Variants in C3orf70 observed in about 807,000 individuals in gnomAD.
C3orf70 encodes the protein chromosome 3 open reading frame 70, also known as UPF0524 protein C3orf70.
Under a neutral mutation model 20.7 loss-of-function variants are expected in C3orf70, and 15 were observed. The observed-to-expected ratio is 0.72, with a 90% confidence interval of 0.48 to 1.11. The LOEUF (loss-of-function observed/expected upper bound fraction) is 1.11. Ranked by LOEUF, C3orf70 falls within the 50% of genes most tolerant of loss-of-function variation. The pLI is 0.00. For synonymous variants in C3orf70, 161 were observed against 125.7 expected (o/e 1.28, Z -1.88); for missense variants, 332 against 317.6 (o/e 1.05, Z -0.34).
intron 1 of C3orf70, among the ~76,000 whole-genome samples, chr3:185,127,755 A>C (rs1716443324): frequency 6.6e-6 from 1 of 152,040 alleles, no homozygotes; most frequent in Non-Finnish European, 1.5e-5. Flanking sequence ...TTGTTTTTTT[A>C]ATGTCCGAGT....
rs1382009030 is a variant in C3orf70 at position 185,077,007 on chromosome 3, G to A, written c.*6000C>T. ...GCTGTCTGCAGGAATCACTTTAAAA[G>A]ATCAGTTAGCTTTAGGAAAGGCAGA... On this transcript the variant is annotated 3_prime_UTR_variant, in exon 2 of 2. Coordinates refer to ENST00000335012, the MANE Select transcript of C3orf70 (RefSeq NM_001025266.3). Among the ~76,000 whole-genome samples the A allele has an allele frequency of 6.6e-6, 1 of 152,232 alleles. No individual in the cohort carries two copies. The highest frequency in any genetic ancestry group is 2.4e-5 in the African/African-American group (1 of 41,462).
intron 1 of C3orf70, among the ~76,000 whole-genome samples, chr3:185,129,807 C>T (rs1379748750): frequency 6.6e-6 from 1 of 152,208 alleles, no homozygotes; most frequent in African/African-American, 2.4e-5. Context: ...AAAATTATAA[C>T]ATGCTTATTC....
chr3:185,085,387 GTTT>G (rs1715438644), intron 1 of C3orf70, among the ~76,000 whole-genome samples: 1 of 151,740 alleles, frequency 6.6e-6, no homozygotes, highest in Admixed American at 6.6e-5. Flanking sequence ...TATATTTTTT[GTTT>G]TTTGACTCCT....
chr3:185,079,290 A>AAAAAAAAAAAAAAAAAAAAAAAAAAT lies in C3orf70; in HGVS notation c.*3716_*3717insATTTTTTTTTTTTTTTTTTTTTTTTT. On this transcript the variant is annotated 3_prime_UTR_variant, in exon 2 of 2. Transcript: ENST00000335012. ...AGCGAGACTCTGTCTCAAAAAAAAA[A>AAAAAAAAAAAAAAAAAAAAAAAAAAT]AAAAAAAAAAAAAAGTAAAGCCACC... The AAAAAAAAAAAAAAAAAAAAAAAAAAT allele has an allele frequency of 6.6e-6, 1 of 150,582 alleles. No individual in the cohort carries two copies. Among genetic ancestry groups the AAAAAAAAAAAAAAAAAAAAAAAAAAT allele is most frequent in the Non-Finnish European group, 1.5e-5 (1 of 67,554 alleles). The allele number at this position is 150,582 out of a possible 1,614,324, so 9.3% of individuals were successfully genotyped here.
chr3:185,083,309 C>G lies in C3orf70; in HGVS notation c.451G>C (p.Ala151Pro). ...GGGCTCATTCTGTGGGAATGTGGTG[C>G]CGGCTGCTTCTGCACATAACACATC... Reference protein sequence around the residue: ...GKMCYVQKQPAPHSHRMSPEE... With the variant: ...GKMCYVQKQPPPHSHRMSPEE... Residue 151 changes from alanine to proline, a missense_variant, in exon 2 of 2, where the codon GCA becomes CCA. Physicochemically the swap from Ala to Pro is conservative, Grantham distance 27. Coordinates refer to ENST00000335012, the MANE Select transcript of C3orf70 (RefSeq NM_001025266.3). The G allele has an allele frequency of 6.2e-7, 1 of 1,614,152 alleles. No homozygotes were observed. Among genetic ancestry groups the G allele is most frequent in the Non-Finnish European group, 8.5e-7 (1 of 1,180,028 alleles).
intron 1 of C3orf70, among the ~76,000 whole-genome samples, chr3:185,093,629 T>G (rs1289954613): frequency 6.6e-6 from 1 of 152,154 alleles, no homozygotes; most frequent in African/African-American, 2.4e-5. Flanking sequence ...GCTGTGGGTA[T>G]AGATGATACA....
chr3:185,109,439 A>C (rs1008479954), intron 1 of C3orf70, among the ~76,000 whole-genome samples: 2 of 152,168 alleles, frequency 1.3e-5, no homozygotes, highest in African/African-American at 4.8e-5. Context: ...TTCTGGGAGG[A>C]TCCCAAGGAC....
Position 185,152,553 on chromosome 3 carries a change from C to A in C3orf70, c.196+75G>T. 3.6e-6 allele frequency: 5 copies of A among 1,382,340 alleles called. No homozygotes were observed. In the South Asian group the frequency reaches 6.9e-5, roughly 19 times the overall value. The allele number at this position is 1,382,340 out of a possible 1,614,324, so 85.6% of individuals were successfully genotyped here. The stretch of plus-strand genomic sequence containing the variant: ...CCGGAGCCCCGCGGCCGCAGAGTTC[C>A]GGCAGCGACCCCGGACGGCCCGGCG... On this transcript the variant is annotated intron_variant, in intron 1 of 1. Transcript: ENST00000335012.
At chr3:185,129,510 C>T (rs1716484641) in intron 1 of C3orf70, among the ~76,000 whole-genome samples, 1 of 152,186 alleles carries the variant, frequency 6.6e-6, no homozygotes, top group Admixed American at 6.5e-5. Context: ...TATGTCTTTG[C>T]TATCGTGAAT....
In C3orf70 at chr3:185,077,176, G is replaced by A. The variant is rs1239949237; in HGVS notation, c.*5831C>T. On this transcript the variant is annotated 3_prime_UTR_variant, in exon 2 of 2. Transcript: ENST00000335012. ...GAGGACAGAGAAGGGGACAAAGAGG[G>A]AAGCCTGTCAGTGTTTCTCCTCCAC... Among the ~76,000 whole-genome samples the A allele has an allele frequency of 2.6e-5, 4 of 152,120 alleles. No individual in the cohort carries two copies. The East Asian group carries it at 7.7e-4, about 29-fold the overall frequency.
intron 1 of C3orf70, among the ~76,000 whole-genome samples, chr3:185,087,809 TTATG>T (rs1438140276): frequency 6.6e-6 from 1 of 152,198 alleles, no homozygotes; most frequent in Non-Finnish European, 1.5e-5. Flanking sequence ...AAGATGGTAA[TTATG>T]TATATTTTAC....
intron 1 of C3orf70, among the ~76,000 whole-genome samples, chr3:185,126,931 T>C (rs981060756): frequency 1.1e-4 from 16 of 152,208 alleles, no homozygotes; most frequent in African/African-American, 3.9e-4. Context: ...GATAAAAATA[T>C]TATTCAAAAT....
At chr3:185,102,132 C>T (rs554219199) in intron 1 of C3orf70, among the ~76,000 whole-genome samples, 1 of 152,196 alleles carries the variant, frequency 6.6e-6, no homozygotes, top group South Asian at 2.1e-4. Context: ...TCAAACTATC[C>T]CTGTTTGCAG....
At chr3:185,101,782 C>T (rs1053511070) in intron 1 of C3orf70, among the ~76,000 whole-genome samples, 4 of 152,136 alleles carry the variant, frequency 2.6e-5, no homozygotes, top group African/African-American at 9.7e-5. Context: ...AGCCCCATCT[C>T]CAACATGGGG....
In C3orf70 at chr3:185,083,074, T is replaced by G; in HGVS notation, c.686A>C (p.Glu229Ala). Residue 229 changes from glutamate (E) to alanine (A), a missense_variant, in exon 2 of 2, where the codon GAG becomes GCG. Coordinates refer to ENST00000335012, the MANE Select transcript of C3orf70 (RefSeq NM_001025266.3). ...YSPESSWEPD[E>A]CTLLSPSQSD... ...CTGCGAGGGGGAGAGAAGGGTGCAC[T>G]CATCCGGTTCCCAGCTGCTCTCTGG... 1 of 1,609,712 alleles carries G rather than the reference T, an allele frequency of 6.2e-7. No homozygotes were observed. The highest frequency in any genetic ancestry group is 8.5e-7 in the Non-Finnish European group (1 of 1,177,398).
intron 1 of C3orf70, among the ~76,000 whole-genome samples, chr3:185,112,556 T>C (rs1412979416): frequency 6.6e-6 from 1 of 152,258 alleles, no homozygotes; most frequent in African/African-American, 2.4e-5. Flanking sequence ...CATTCCTTGA[T>C]AGGCTAAAAA....
chr3:185,140,373 TA>T (rs562224456), intron 1 of C3orf70, among the ~76,000 whole-genome samples: 2 of 152,048 alleles, frequency 1.3e-5, no homozygotes, highest in Non-Finnish European at 2.9e-5. Context: ...AAACTCAGTT[TA>T]AAAAATCCAA....
intron 1 of C3orf70, among the ~76,000 whole-genome samples, chr3:185,089,422 T>C (rs1208899820): frequency 1.3e-5 from 2 of 152,220 alleles, no homozygotes; most frequent in Admixed American, 6.5e-5. Context: ...CTTTACTTTC[T>C]GGCAGTAGAA....
Position 185,122,827 on chromosome 3 carries a change from G to A in C3orf70, c.196+29801C>T, listed in dbSNP as rs1265154902. On this transcript the variant is annotated intron_variant, in intron 1 of 1. Transcript: ENST00000335012. The stretch of plus-strand genomic sequence containing the variant: ...AAGGCAATTGGTCTCTGAGAGCTGA[G>A]AAAGGCTTTTCTTCCGCTCCTTGGA... Among the ~76,000 whole-genome samples the A allele has an allele frequency of 3.3e-5, 5 of 151,922 alleles. No homozygotes were observed. The South Asian group carries it at 8.4e-4, about 25-fold the overall frequency.
Sources: allele counts gnomAD v4.1 joint callset (sites outside exome capture counted in the v4.1 genomes callset), GRCh38; gene constraint gnomAD v4.1.1; transcripts MANE v1.5; gene names NCBI Gene and HGNC (gene_info 2026-07-23, HGNC 2026-07-21).